TSPAN7: variants seen among roughly 807,000 people sequenced by gnomAD.
TSPAN7 encodes tetraspanin 7.
TSPAN7 carries 1 observed loss-of-function variant against 17.6 expected under a neutral mutation model. The ratio of observed to expected loss-of-function variants is 0.06; its 90% confidence interval spans 0.02 to 0.27. The LOEUF (loss-of-function observed/expected upper bound fraction) is 0.27. TSPAN7 is among the 10% of genes least tolerant of loss of function. The pLI is 1.00. For missense variants in TSPAN7, 112 were observed against 201.7 expected, an observed-to-expected ratio of 0.56 and a Z score of 2.69; for synonymous variants, 78 against 79.0, an observed-to-expected ratio of 0.99 and a Z score of 0.07.
intron 1 of TSPAN7, among the ~76,000 whole-genome samples, chrX:38,657,954 A>G (rs968082316): frequency 1.4e-4 from 16 of 111,729 alleles, no homozygotes; most frequent in African/African-American, 4.2e-4. Context: ...GACTCTGGCT[A>G]TCTGATCCCT....
At chrX:38,626,098 T>C (rs1200270097) in intron 1 of TSPAN7, among the ~76,000 whole-genome samples, 2 of 112,101 alleles carry the variant, frequency 1.8e-5, no homozygotes, top group Non-Finnish European at 3.8e-5. Context: ...GAATAAATGA[T>C]TGAAAAATAA....
chrX:38,652,694 C>T (rs754418383), intron 1 of TSPAN7, among the ~76,000 whole-genome samples: 7 of 112,384 alleles, frequency 6.2e-5, no homozygotes, highest in South Asian at 3.7e-4. Context: ...ATAAGGGGCA[C>T]GGGAGGCCCG....
At chrX:38,637,431 A>C (rs1041169848) in intron 1 of TSPAN7, among the ~76,000 whole-genome samples, 8 of 111,971 alleles carry the variant, frequency 7.1e-5, no homozygotes, top group African/African-American at 2.6e-4. Flanking sequence ...TTGCTCCTAG[A>C]CTTAGAAATG....
In TSPAN7 at chrX:38,643,016, AGAGTGGG is replaced by A. The variant is rs756398753; in HGVS notation, c.82-23102_82-23096del. On this transcript the variant is annotated intron_variant, in intron 1 of 7. Coordinates refer to ENST00000378482, the MANE Select transcript of TSPAN7 (RefSeq NM_004615.4). ...CCTCTGCTGGGGAAGAATGGGATGG[AGAGTGGG>A]GAAACTTGCACAATGGGTCCTTAGC... Among the ~76,000 whole-genome samples, 466 of 111,154 alleles carry A rather than the reference AGAGTGGG, an allele frequency of 4.2e-3. 2 individuals carry two copies. Among genetic ancestry groups the A allele is most frequent in the South Asian group, 0.038 (97 of 2,569 alleles).
In TSPAN7 at chrX:38,597,552, T is replaced by C. The variant is rs1351413602; in HGVS notation, c.81+35925T>C. ...TTAATGATAATGAACCAAAAATATA[T>C]GTTAAGTACAGTGTCTTTAAACAAA... is the stretch of plus-strand genomic sequence containing the variant. On this transcript the variant is annotated intron_variant, in intron 1 of 7. Transcript: ENST00000378482. Among the ~76,000 whole-genome samples the C allele has an allele frequency of 4.5e-5, 5 of 111,584 alleles. No homozygotes were observed. The East Asian group carries it at 1.4e-3, about 32-fold the overall frequency.
intron 1 of TSPAN7, among the ~76,000 whole-genome samples, chrX:38,656,739 T>C (rs1377047526): frequency 8.9e-6 from 1 of 112,176 alleles, no homozygotes. Context: ...GTATGAGCTA[T>C]ATTCATATAG....
intron 1 of TSPAN7, among the ~76,000 whole-genome samples, chrX:38,653,275 G>A (rs765999743): frequency 9.0e-6 from 1 of 111,484 alleles, no homozygotes; most frequent in Non-Finnish European, 1.9e-5. Flanking sequence ...TGTGCCCTTC[G>A]TTCATGAACA....
intron 1 of TSPAN7, among the ~76,000 whole-genome samples, chrX:38,620,326 C>T (rs1250105157): frequency 8.9e-6 from 1 of 111,872 alleles, no homozygotes; most frequent in African/African-American, 3.2e-5. Context: ...ATGGCCATAC[C>T]TAACACTTGT....
At chrX:38,599,953 T>C (rs2069337115) in intron 1 of TSPAN7, among the ~76,000 whole-genome samples, 1 of 111,906 alleles carries the variant, frequency 8.9e-6, no homozygotes, top group African/African-American at 3.2e-5. Context: ...TAGCAGTTGG[T>C]GCAAGACAAT....
At chrX:38,682,916 G>C in intron 6 of TSPAN7, among the ~76,000 whole-genome samples, 1 of 112,018 alleles carries the variant, frequency 8.9e-6, no homozygotes, top group East Asian at 2.8e-4. Context: ...TGACAGCCTT[G>C]AACATCCTGT....
chrX:38,574,275 C>T (rs2069183385), intron 1 of TSPAN7, among the ~76,000 whole-genome samples: 1 of 111,678 alleles, frequency 9.0e-6, no homozygotes, highest in Non-Finnish European at 1.9e-5. Context: ...AAAAAATTAA[C>T]ATTGGAGAAA....
chrX:38,615,956 A>G (rs1172962528), intron 1 of TSPAN7, among the ~76,000 whole-genome samples: 2 of 111,959 alleles, frequency 1.8e-5, no homozygotes, highest in African/African-American at 3.3e-5. Context: ...AGTCAGATCT[A>G]GGTTTCAATC....
intron 3 of TSPAN7, among the ~76,000 whole-genome samples, chrX:38,673,534 A>C (rs373836066): frequency 9.6e-6 from 1 of 104,248 alleles, no homozygotes; most frequent in East Asian, 3.0e-4. Flanking sequence ...TGCCTGACTA[A>C]TTTTTTTTTT....
chrX:38,633,902 C>A (rs2069564723), intron 1 of TSPAN7, among the ~76,000 whole-genome samples: 1 of 112,102 alleles, frequency 8.9e-6, no homozygotes, highest in Non-Finnish European at 1.9e-5. Flanking sequence ...TATTCACTAA[C>A]TTGTTTATTC....
intron 1 of TSPAN7, among the ~76,000 whole-genome samples, chrX:38,620,732 T>C (rs1162695845): frequency 5.4e-5 from 6 of 111,687 alleles, no homozygotes; most frequent in Non-Finnish European, 1.1e-4. Context: ...GAACCCACCA[T>C]CAGGCAAAAG....
At chrX:38,635,510 T>C (rs1406709280) in intron 1 of TSPAN7, among the ~76,000 whole-genome samples, 1 of 111,861 alleles carries the variant, frequency 8.9e-6, no homozygotes, top group African/African-American at 3.3e-5. Context: ...GTTACATTTC[T>C]TAAGAAATTC....
At position 38,625,770 on chromosome X, in the gene TSPAN7, T is replaced by C. The variant is rs1457425054; in HGVS notation, c.82-40351T>C. On this transcript the variant is annotated intron_variant, in intron 1 of 7. Coordinates refer to ENST00000378482, the MANE Select transcript of TSPAN7 (RefSeq NM_004615.4). ...TGATTTTGAGAATTGGGAAGGAGGA[T>C]GAAGCAAGTGTGGATACATGAAAAT... Among the ~76,000 whole-genome samples the C allele has an allele frequency of 2.7e-5, 3 of 112,056 alleles. No homozygotes were observed. The Admixed American group carries it at 2.8e-4, about 11-fold the overall frequency.
At chrX:38,614,457 C>T (rs192844174) in intron 1 of TSPAN7, among the ~76,000 whole-genome samples, 1 of 112,564 alleles carries the variant, frequency 8.9e-6, no homozygotes, top group African/African-American at 3.2e-5. Flanking sequence ...TGTTTTGAAA[C>T]CCTGTGAAGG....
intron 1 of TSPAN7, among the ~76,000 whole-genome samples, chrX:38,597,784 G>C (rs763825149): frequency 9.0e-6 from 1 of 111,235 alleles, no homozygotes; most frequent in Non-Finnish European, 1.9e-5. Flanking sequence ...ATTTCAACTG[G>C]GTGTCACATT....
Sources: allele counts gnomAD v4.1 joint callset (sites outside exome capture counted in the v4.1 genomes callset), GRCh38; gene constraint gnomAD v4.1.1; transcripts MANE v1.5; gene names NCBI Gene and HGNC (gene_info 2026-07-23, HGNC 2026-07-21).